The following KIAA1549 variants were observed in gnomAD, a reference collection of about 807,000 sequenced individuals.
KIAA1549 encodes the protein UPF0606 protein KIAA1549.
In KIAA1549, 70 loss-of-function variants were observed where a neutral mutation model predicts 156.4. The observed-to-expected ratio is 0.45, with a 90% CI of 0.37 to 0.55. The LOEUF (loss-of-function observed/expected upper bound fraction) is 0.55. KIAA1549 is among the 20% of genes least tolerant of loss of function. KIAA1549 has a pLI of 0.00. For missense variants in KIAA1549, 2,428 were observed against 2,540.9 expected (o/e 0.96, Z 0.96); for synonymous variants, 1,103 against 1,066.4 (o/e 1.03, Z -0.67).
intron 10 of KIAA1549, among the ~76,000 whole-genome samples, chr7:138,890,837 A>G (rs541076558): frequency 2.0e-5 from 3 of 152,334 alleles, no homozygotes; most frequent in East Asian, 3.9e-4. Context: ...ATGCTTGCCC[A>G]CTGCTTACAG....
intron 1 of KIAA1549, among the ~76,000 whole-genome samples, chr7:138,980,410 ATC>A (rs1479090315): frequency 6.6e-6 from 1 of 152,244 alleles, no homozygotes; most frequent in Non-Finnish European, 1.5e-5. Context: ...ACTAAATTGC[ATC>A]TGTTATAAAA....
chr7:138,912,891 TTC>T (rs1479411877), intron 2 of KIAA1549, among the ~76,000 whole-genome samples: 1 of 152,184 alleles, frequency 6.6e-6, no homozygotes, highest in Non-Finnish European at 1.5e-5. Flanking sequence ...TTCTTTTCTT[TTC>T]TTTTTGAGAC....
intron 1 of KIAA1549, among the ~76,000 whole-genome samples, chr7:138,955,011 G>C (rs968206900): frequency 6.6e-6 from 1 of 152,068 alleles, no homozygotes; most frequent in African/African-American, 2.4e-5. Context: ...TTAAGTCCCC[G>C]CACACACAGC....
At chr7:138,925,808 C>T (rs893386466) in intron 1 of KIAA1549, among the ~76,000 whole-genome samples, 9 of 107,662 alleles carry the variant, frequency 8.4e-5, no homozygotes, top group African/African-American at 2.9e-4. Context: ...CCAGCCTGGG[C>T]AACAGAGCCA....
At chr7:138,908,244 T>C (rs139194508) in intron 5 of KIAA1549, among the ~76,000 whole-genome samples, 55 of 150,380 alleles carry the variant, frequency 3.7e-4, no homozygotes, top group African/African-American at 1.3e-3. Context: ...AAAACAGGAA[T>C]GACTTAGGAA....
At chr7:138,938,798 A>T (rs1335294178) in intron 1 of KIAA1549, among the ~76,000 whole-genome samples, 1 of 152,248 alleles carries the variant, frequency 6.6e-6, no homozygotes, top group Non-Finnish European at 1.5e-5. Flanking sequence ...CTATAATCCC[A>T]GCACTTTGGG....
At chr7:138,884,291 C>T (rs929645398) in intron 10 of KIAA1549, among the ~76,000 whole-genome samples, 3 of 151,780 alleles carry the variant, frequency 2.0e-5, no homozygotes, top group Non-Finnish European at 2.9e-5. Flanking sequence ...TGTGCGCTTG[C>T]GCTTTGAAAT....
intron 1 of KIAA1549, among the ~76,000 whole-genome samples, chr7:138,919,698 T>TA (rs1393990334): frequency 2.6e-4 from 39 of 152,096 alleles, no homozygotes; most frequent in African/African-American, 9.2e-4. Flanking sequence ...AGGGCATATT[T>TA]ACAGTTTTTC....
At chr7:138,852,903 C>T (rs1294191952) in intron 16 of KIAA1549, among the ~76,000 whole-genome samples, 3 of 152,202 alleles carry the variant, frequency 2.0e-5, no homozygotes, top group African/African-American at 7.2e-5. Context: ...CATAAGGTGC[C>T]CCCGTATCCT....
intron 1 of KIAA1549, among the ~76,000 whole-genome samples, chr7:138,922,965 A>G (rs1812605557): frequency 6.6e-6 from 1 of 152,176 alleles, no homozygotes; most frequent in East Asian, 1.9e-4. Context: ...ATTAAAAAAA[A>G]AGAAAAATCC....
chr7:138,966,935 T>C (rs748192772), intron 1 of KIAA1549, among the ~76,000 whole-genome samples: 14 of 152,122 alleles, frequency 9.2e-5, no homozygotes, highest in Non-Finnish European at 2.1e-4. Context: ...AGCCACTCAG[T>C]GTGTGGTACG....
intron 5 of KIAA1549, 128 bp downstream of exon 5, chr7:138,908,863 A>C: frequency 9.0e-7 from 1 of 1,117,182 alleles, no homozygotes; most frequent in Non-Finnish European, 1.3e-6. Context: ...GAATAGATCA[A>C]TCCCGACTCA....
At chr7:138,943,563 T>TA (rs1401230958) in intron 1 of KIAA1549, among the ~76,000 whole-genome samples, 1 of 152,234 alleles carries the variant, frequency 6.6e-6, no homozygotes, top group African/African-American at 2.4e-5. Context: ...ACAAATGCAT[T>TA]ACCTCGCCAG....
chr7:138,870,873 A>G (rs1334219658), intron 13 of KIAA1549, among the ~76,000 whole-genome samples: 1 of 152,140 alleles, frequency 6.6e-6, no homozygotes, highest in Non-Finnish European at 1.5e-5. Flanking sequence ...GCTGGAGTGC[A>G]GTGGCGAGAT....
intron 8 of KIAA1549, among the ~76,000 whole-genome samples, chr7:138,899,565 G>A (rs1399125706): frequency 6.6e-6 from 1 of 152,114 alleles, no homozygotes; most frequent in Non-Finnish European, 1.5e-5. Flanking sequence ...CAGCCTATTG[G>A]TATTTCCTCC....
chr7:138,969,485 G>A (rs1814150733), intron 1 of KIAA1549, among the ~76,000 whole-genome samples: 1 of 152,148 alleles, frequency 6.6e-6, no homozygotes, highest in Non-Finnish European at 1.5e-5. Context: ...AAGGCTGAAC[G>A]ATATTCCACT....
intron 15 of KIAA1549, 126 bp from the exon 16 acceptor site, chr7:138,861,582 G>A (rs1810580357): frequency 5.0e-6 from 4 of 798,522 alleles, no homozygotes; most frequent in Non-Finnish European, 8.1e-6. Flanking sequence ...GCTGTGCACA[G>A]TGGCTCACAC....
Position 138,835,880 on chromosome 7 carries a change from C to T in KIAA1549, c.*2026G>A, listed in dbSNP as rs1471138884. ...TGCTGCTGGTCCTTTGTTGAACGTC[C>T]TTGAGAGACTTACTCTCCTGCACTC... is the stretch of plus-strand genomic sequence containing the variant. On this transcript the variant is annotated 3_prime_UTR_variant, in exon 20 of 20. Coordinates refer to ENST00000422774, the MANE Select transcript of KIAA1549 (RefSeq NM_001164665.2). 4.6e-6 allele frequency: 1 copy of T among 219,444 alleles called. No individual in the cohort carries two copies. The highest frequency in any genetic ancestry group is 9.1e-6 in the Non-Finnish European group (1 of 109,370). 13.6% of individuals were successfully genotyped at this position (219,444 alleles called of 1,614,324 possible). A position where few individuals can be genotyped will look rare whatever the true frequency, so the allele number is the denominator to read the frequency against.
rs1190246995 is a variant in KIAA1549, at chr7:138,881,435, T to C, written c.4182A>G (p.Pro1394=). The C allele has an allele frequency of 1.1e-5, 17 of 1,613,938 alleles. No homozygotes were observed. In the Admixed American group the frequency reaches 2.8e-4, roughly 27 times the overall value. Residue 1394 remains proline (P), a synonymous_variant, in exon 11 of 20, where the codon CCA becomes CCG. Transcript: ENST00000422774. ...TGGAAGGGATCTTTGACTTGGGGCT[T>C]GGCACGTCTCCATTTTCCGAGGGCG... ...HTTPSENGDV[P]SPKSKIPSKN... is the part of the protein sequence containing the mutation.
Sources: allele counts gnomAD v4.1 joint callset (sites outside exome capture counted in the v4.1 genomes callset), GRCh38; gene constraint gnomAD v4.1.1; transcripts MANE v1.5; gene names NCBI Gene and HGNC (gene_info 2026-07-23, HGNC 2026-07-21).